The following TNRC6C variants were observed in gnomAD, a reference collection of about 807,000 sequenced individuals.
TNRC6C encodes trinucleotide repeat-containing gene 6C protein.
In TNRC6C, 20 loss-of-function variants were observed where a neutral mutation model predicts 153.7. The observed-to-expected ratio is 0.13, with a 90% CI of 0.09 to 0.19. The LOEUF is 0.19. TNRC6C is among the 10% of genes least tolerant of loss of function. TNRC6C has a pLI of 1.00. For synonymous variants in TNRC6C, 811 were observed against 841.4 expected (o/e 0.96, Z 0.63); for missense variants, 1,987 against 2,172.0 (o/e 0.91, Z 1.69).
intron 3 of TNRC6C, among the ~76,000 whole-genome samples, chr17:78,052,907 C>T (rs2072566412): frequency 6.6e-6 from 1 of 152,104 alleles, no homozygotes; most frequent in South Asian, 2.1e-4. Context: ...ACAAATGTGC[C>T]TTTTTGGCCC....
intron 1 of TNRC6C, among the ~76,000 whole-genome samples, chr17:77,996,939 A>G (rs2071337432): frequency 6.6e-6 from 1 of 152,214 alleles, no homozygotes; most frequent in Non-Finnish European, 1.5e-5. Context: ...AGAGTAACAG[A>G]CAGTTCATCA....
At chr17:78,018,659 A>G (rs770381381) in intron 1 of TNRC6C, among the ~76,000 whole-genome samples, 59 of 152,098 alleles carry the variant, frequency 3.9e-4, no homozygotes, top group Non-Finnish European at 8.8e-5. Flanking sequence ...TATCTTACTT[A>G]CACATCAAGT....
upstream of TNRC6C, among the ~76,000 whole-genome samples, chr17:77,957,850 A>G (rs1214532753): frequency 6.6e-6 from 1 of 152,236 alleles, no homozygotes; most frequent in Non-Finnish European, 1.5e-5. Context: ...CGTACGGAGC[A>G]CCGGGGAGGA....
At position 78,077,098 on chromosome 17, in the gene TNRC6C, C is replaced by T. The variant is rs1251583839; in HGVS notation, c.3061-87C>T. 6.2e-6 allele frequency: 9 copies of T among 1,443,370 alleles called. 1 individual carries two copies. The East Asian group carries it at 1.7e-4, about 28-fold the overall frequency. The allele number at this position is 1,443,370 out of a possible 1,614,324, so 89.4% of individuals were successfully genotyped here. On this transcript the variant is annotated intron_variant, in intron 8 of 19. Transcript: ENST00000301624. ...GATCTGTTAATTATTTATCCATCCA[C>T]GCCTCCTCTGTTTCCTTGGGAAACT...
chr17:78,031,732 C>T (rs1289963604), exon 2 of TNRC6C: 12 of 1,232,182 alleles, frequency 9.7e-6, no homozygotes, highest in East Asian at 3.2e-5. Flanking sequence ...CCATTGCCTA[C>T]GGGGACTCTA....
chr17:78,031,385 G>A, intron 1 of TNRC6C, 131 bp from the exon 4 acceptor site: 1 of 626,224 alleles, frequency 1.6e-6, no homozygotes, highest in Non-Finnish European at 2.3e-6. Context: ...CTAGACTTTA[G>A]TCCAGTTCTG....
chr17:77,973,932 G>A (rs530794803), intron 1 of TNRC6C, among the ~76,000 whole-genome samples: 1 of 151,880 alleles, frequency 6.6e-6, no homozygotes, highest in East Asian at 1.9e-4. Flanking sequence ...TAGATTTGAT[G>A]CATCTCTATC....
At chr17:78,068,742 G>A (rs150421962) in intron 5 of TNRC6C, among the ~76,000 whole-genome samples, 1 of 152,262 alleles carries the variant, frequency 6.6e-6, no homozygotes, top group African/African-American at 2.4e-5. Flanking sequence ...TGCAGTTGCA[G>A]TGAGCCAAGA....
chr17:78,004,764 C>T (rs1279128110), upstream of TNRC6C, among the ~76,000 whole-genome samples: 8 of 152,026 alleles, frequency 5.3e-5, no homozygotes, highest in Non-Finnish European at 8.8e-5. Flanking sequence ...TTGTTCTTAC[C>T]TAGTTTAATG....
At chr17:77,973,687 G>A (rs1366628970) in intron 1 of TNRC6C, among the ~76,000 whole-genome samples, 1 of 152,156 alleles carries the variant, frequency 6.6e-6, no homozygotes, top group Non-Finnish European at 1.5e-5. Flanking sequence ...TGTGTTTCTT[G>A]ATGCTGGCAG....
At chr17:78,106,538 A>C (rs1840571437) in exon 20 of TNRC6C, 1 of 146,432 alleles carries the variant, frequency 6.8e-6, no homozygotes, top group Non-Finnish European at 1.5e-5. Context: ...AAAAAAAAAC[A>C]AAACAAAACA....
At chr17:78,025,735 T>G (rs1010340752) in intron 1 of TNRC6C, among the ~76,000 whole-genome samples, 2 of 152,196 alleles carry the variant, frequency 1.3e-5, no homozygotes, top group African/African-American at 4.8e-5. Flanking sequence ...ATAATGGATG[T>G]TCATTCTGTA....
chr17:78,046,198 T>C (rs1441904202), intron 2 of TNRC6C, among the ~76,000 whole-genome samples: 1 of 152,024 alleles, frequency 6.6e-6, no homozygotes, highest in Non-Finnish European at 1.5e-5. Context: ...TTTTTTTTTT[T>C]TGAGATGGAG....
chr17:77,985,603 A>AAAAAAAAAAAAAAAAAAAAAAAC lies in TNRC6C; in HGVS notation c.-37-18554_-37-18553insAAAAAAAAACAAAAAAAAAAAAA, dbSNP rs1321535708. On this transcript the variant is annotated intron_variant, in intron 1 of 22. Transcript: ENST00000636222. ...GGCAACAGAGCGAGACTCCGTCTCA[A>AAAAAAAAAAAAAAAAAAAAAAAC]AAAAAAAAAAAAACCAGCAACTGTG... is the stretch of plus-strand genomic sequence containing the variant. Among the ~76,000 whole-genome samples, 122 of 147,622 alleles carry AAAAAAAAAAAAAAAAAAAAAAAC rather than the reference A, an allele frequency of 8.3e-4. 1 individual carries two copies. The highest frequency in any genetic ancestry group is 3.0e-3 in the African/African-American group (120 of 39,636).
intron 2 of TNRC6C, among the ~76,000 whole-genome samples, chr17:78,037,713 A>G (rs2072207635): frequency 6.6e-6 from 1 of 152,226 alleles, no homozygotes; most frequent in Non-Finnish European, 1.5e-5. Flanking sequence ...TTACTAAGTA[A>G]TAGTAATAAA....
intron 13 of TNRC6C, among the ~76,000 whole-genome samples, chr17:78,090,467 G>T (rs140297760): frequency 1.5e-3 from 230 of 152,316 alleles, no homozygotes; most frequent in African/African-American, 5.2e-3. Flanking sequence ...TAGTACTTAC[G>T]GTAAGGACCT....
At chr17:78,103,338 AC>A in intron 18 of TNRC6C, 75 bp from the exon 22 acceptor site, 4 of 1,551,760 alleles carry the variant, frequency 2.6e-6, no homozygotes. Flanking sequence ...CCAATTTCAT[AC>A]GTTTTTTCTT....
intron 15 of TNRC6C, chr17:78,093,378 A>G (rs755012028): frequency 2.4e-5 from 16 of 661,596 alleles, no homozygotes; most frequent in Non-Finnish European, 3.6e-5. Flanking sequence ...CACACTGCAC[A>G]CTATCCGGTA....
At chr17:78,080,576 A>G (rs1055749442) in intron 10 of TNRC6C, among the ~76,000 whole-genome samples, 12 of 152,196 alleles carry the variant, frequency 7.9e-5, no homozygotes, top group Admixed American at 1.3e-4. Flanking sequence ...CACATTTTAC[A>G]ATTTTAGGCT....
Sources: allele counts gnomAD v4.1 joint callset (sites outside exome capture counted in the v4.1 genomes callset), GRCh38; gene constraint gnomAD v4.1.1; transcripts MANE v1.5; gene names NCBI Gene and HGNC (gene_info 2026-07-23, HGNC 2026-07-21).